The following ZZEF1 variants were observed in gnomAD, a reference collection of about 807,000 sequenced individuals.
ZZEF1 encodes zinc finger ZZ-type and EF-hand domain containing 1.
ZZEF1 carries 157 observed loss-of-function variants against 342.8 expected under a neutral mutation model. The ratio of observed to expected loss-of-function variants is 0.46; its 90% CI spans 0.40 to 0.52. The LOEUF is 0.52. Ranked by LOEUF, ZZEF1 falls within the 20% of genes least tolerant of loss-of-function variation. The pLI, the probability that ZZEF1 is intolerant of heterozygous loss-of-function variation, is 0.00. For missense variants in ZZEF1, 3,480 were observed against 3,725.6 expected (o/e 0.93, Z 1.72); for synonymous variants, 1,505 against 1,429.1 (o/e 1.05, Z -1.20).
chr17:4,134,220 G>A (rs1389506075), intron 1 of ZZEF1, among the ~76,000 whole-genome samples: 1 of 151,478 alleles, frequency 6.6e-6, no homozygotes, highest in Admixed American at 6.6e-5. Flanking sequence ...CCAGGAGGCT[G>A]AGGTGGGAGG....
At chr17:4,051,943 T>G (rs1567795931) in intron 35 of ZZEF1, 28 bp downstream of exon 35, 1 of 1,593,262 alleles carries the variant, frequency 6.3e-7, no homozygotes, top group East Asian at 2.3e-5. Context: ...AATAAAAGGC[T>G]TGGTGGCGAC....
intron 39 of ZZEF1, among the ~76,000 whole-genome samples, chr17:4,041,170 A>G (rs1428437282): frequency 6.6e-6 from 1 of 152,202 alleles, no homozygotes; most frequent in Admixed American, 6.5e-5. Flanking sequence ...CGGCCAATTC[A>G]TCCAGGTGAA....
intron 16 of ZZEF1, among the ~76,000 whole-genome samples, chr17:4,083,295 T>C (rs1414466817): frequency 6.6e-6 from 1 of 152,204 alleles, no homozygotes; most frequent in East Asian, 1.9e-4. Flanking sequence ...GGACACATGC[T>C]TGGAAATTAA....
chr17:4,112,513 G>T, intron 5 of ZZEF1, 96 bp downstream of exon 5: 1 of 1,250,624 alleles, frequency 8.0e-7, no homozygotes, highest in Non-Finnish European at 1.1e-6. Context: ...GTCCTAAGAA[G>T]CAAACCGAAT....
intron 12 of ZZEF1, 118 bp downstream of exon 12, chr17:4,090,601 C>T: frequency 1.3e-6 from 1 of 743,610 alleles, no homozygotes; most frequent in Non-Finnish European, 2.3e-6. Flanking sequence ...AGTATGAACT[C>T]CCTGAAGGTA....
At chr17:4,083,583 T>C (rs1341387772) in intron 16 of ZZEF1, among the ~76,000 whole-genome samples, 1 of 152,068 alleles carries the variant, frequency 6.6e-6, no homozygotes, top group Non-Finnish European at 1.5e-5. Context: ...TGTCCCCAAT[T>C]AGACTGCTGC....
intron 27 of ZZEF1, 39 bp from the exon 28 acceptor site, chr17:4,066,579 G>A (rs751559202): frequency 6.9e-6 from 11 of 1,594,246 alleles, no homozygotes; most frequent in Non-Finnish European, 8.6e-6. Context: ...TGCTGTCCAG[G>A]CAGGGAAGCA....
At chr17:4,135,287 G>C (rs1475472284) in intron 1 of ZZEF1, among the ~76,000 whole-genome samples, 1 of 152,122 alleles carries the variant, frequency 6.6e-6, no homozygotes, top group Non-Finnish European at 1.5e-5. Flanking sequence ...ACCAGCCTGG[G>C]TAACATGATG....
In ZZEF1 at chr17:4,050,817, C is replaced by A. The variant is rs138947298; in HGVS notation, c.5827G>T (p.Val1943Phe). ...TTLRSQCMQLVGDCLMKAHQG... is the reference protein window; with the variant it reads ...TTLRSQCMQLFGDCLMKAHQG... The stretch of plus-strand genomic sequence containing the variant: ...TGAGCCTTCATCAGACAGTCCCCGA[C>A]GAGCTGCATGCACTGGCTCCGCAGG... Residue 1943 changes from valine (V) to phenylalanine (F), a missense_variant, in exon 36 of 55, where the codon GTC becomes TTC. Transcript: ENST00000381638. The A allele has an allele frequency of 1.1e-5, 17 of 1,614,028 alleles. No homozygotes were observed. In the African/African-American group the frequency reaches 2.0e-4, roughly 19 times the overall value.
chr17:4,063,281 T>G (rs1318535637), intron 29 of ZZEF1, among the ~76,000 whole-genome samples: 1 of 152,212 alleles, frequency 6.6e-6, no homozygotes, highest in East Asian at 1.9e-4. Flanking sequence ...TATGAACAAA[T>G]AATTTTGTTG....
intron 26 of ZZEF1, among the ~76,000 whole-genome samples, chr17:4,069,336 C>A (rs998343773): frequency 6.6e-6 from 1 of 152,156 alleles, no homozygotes; most frequent in African/African-American, 2.4e-5. Flanking sequence ...GATTCCTCAG[C>A]AGAGAAAAAC....
intron 37 of ZZEF1, 152 bp from the exon 38 acceptor site, chr17:4,044,526 G>T (rs761036119): frequency 1.2e-5 from 9 of 729,408 alleles, no homozygotes; most frequent in East Asian, 1.1e-4. Flanking sequence ...TTTCTTTTTT[G>T]TGTGTTTTTT....
intron 33 of ZZEF1, among the ~76,000 whole-genome samples, chr17:4,054,956 G>A (rs2057125459): frequency 6.6e-6 from 1 of 152,158 alleles, no homozygotes; most frequent in Non-Finnish European, 1.5e-5. Context: ...CTGGATATAG[G>A]GATCAGTAAA....
chr17:4,026,517 T>C (rs909134939), intron 42 of ZZEF1, among the ~76,000 whole-genome samples: 1 of 151,650 alleles, frequency 6.6e-6, no homozygotes, highest in South Asian at 2.1e-4. Context: ...AACATCTTTT[T>C]TTTTTCTTTT....
At chr17:4,078,686 G>A (rs562398858) in intron 18 of ZZEF1, among the ~76,000 whole-genome samples, 1 of 152,332 alleles carries the variant, frequency 6.6e-6, no homozygotes, top group South Asian at 2.1e-4. Flanking sequence ...GGAATGTCTA[G>A]TCCTTAAAAG....
chr17:4,121,369 A>T (rs1033089151), intron 2 of ZZEF1, among the ~76,000 whole-genome samples: 2 of 152,242 alleles, frequency 1.3e-5, no homozygotes, highest in Non-Finnish European at 2.9e-5. Context: ...CACGCCTGTA[A>T]TCCCAACACT....
At chr17:4,100,137 G>A (rs759466410) in intron 9 of ZZEF1, among the ~76,000 whole-genome samples, 1 of 152,170 alleles carries the variant, frequency 6.6e-6, no homozygotes, top group African/African-American at 2.4e-5. Context: ...CCCACTGTTG[G>A]AGAATCAGAC....
intron 3 of ZZEF1, among the ~76,000 whole-genome samples, 164 bp downstream of exon 3, chr17:4,116,808 T>C (rs1191542463): frequency 6.6e-6 from 1 of 152,170 alleles, no homozygotes; most frequent in Non-Finnish European, 1.5e-5. Flanking sequence ...CCAGCTGTGT[T>C]AAGAAGAAAG....
chr17:4,079,666 A>C (rs966356359), intron 18 of ZZEF1, among the ~76,000 whole-genome samples: 1 of 152,232 alleles, frequency 6.6e-6, no homozygotes, highest in Admixed American at 6.5e-5. Flanking sequence ...CTAGATCTAA[A>C]CAGTGGTCAG....
Sources: allele counts gnomAD v4.1 joint callset (sites outside exome capture counted in the v4.1 genomes callset), GRCh38; gene constraint gnomAD v4.1.1; transcripts MANE v1.5; gene names NCBI Gene and HGNC (gene_info 2026-07-23, HGNC 2026-07-21).